Variants in ZNF619 observed in about 807,000 individuals in gnomAD.
ZNF619 encodes zinc finger protein 619.
Under a neutral mutation model 14.2 loss-of-function variants are expected in ZNF619, and 9 were observed. The ratio of observed to expected loss-of-function variants is 0.64; its 90% CI spans 0.38 to 1.11. The LOEUF (loss-of-function observed/expected upper bound fraction) is 1.11. Among genes scored for constraint, ZNF619 ranks in the 50% least tolerant of loss-of-function variants. The pLI, the probability that ZNF619 is intolerant of heterozygous loss-of-function variation, is 0.01. For missense variants in ZNF619, 659 were observed against 680.1 expected (o/e 0.97, Z 0.34); for synonymous variants, 246 against 252.8 (o/e 0.97, Z 0.26).
rs1363423704 is a variant in ZNF619 at position 40,490,087 on chromosome 3, T to TGGG, written c.*1847_*1849dup. 6.6e-6 allele frequency: 1 copy of TGGG among 152,210 alleles called. No homozygotes were observed. The highest frequency in any genetic ancestry group is 2.4e-5 in the African/African-American group (1 of 41,452). The allele number at this position is 152,210 out of a possible 1,614,324, so 9.4% of individuals were successfully genotyped here. ...TGAGGAGAGGAAGAGCAACTGGAACTGGGACACATGCTTGCTCTGTCTTGC... is the reference window on the plus strand; with the variant it reads ...TGAGGAGAGGAAGAGCAACTGGAACTGGGGGGACACATGCTTGCTCTGTCTTGC... On this transcript the variant is annotated 3_prime_UTR_variant, in exon 5 of 5. Transcript: ENST00000432264.
intron 2 of ZNF619, among the ~76,000 whole-genome samples, chr3:40,479,121 A>G (rs1325678104): frequency 6.6e-6 from 1 of 152,044 alleles, no homozygotes; most frequent in Non-Finnish European, 1.5e-5. Context: ...GCAGTGTCTC[A>G]CCTGCTCTAG....
intron 4 of ZNF619, chr3:40,483,847 C>G: frequency 3.1e-6 from 1 of 327,446 alleles, no homozygotes; most frequent in South Asian, 2.3e-5. Context: ...AGGCTGGTCT[C>G]GAACTCCCAA....
At chr3:40,484,104 T>G (rs559228375) in intron 4 of ZNF619, among the ~76,000 whole-genome samples, 1 of 152,088 alleles carries the variant, frequency 6.6e-6, no homozygotes, top group African/African-American at 2.4e-5. Context: ...TTTTGTAGTT[T>G]TAGTAGAGAC....
chr3:40,482,061 G>A (rs369709958), intron 3 of ZNF619, 45 bp downstream of exon 3: 15 of 1,563,000 alleles, frequency 9.6e-6, no homozygotes, highest in Non-Finnish European at 1.2e-5. Flanking sequence ...GCCCTTGGGA[G>A]CTCCTAGATT....
At chr3:40,479,413 T>A (rs966327482) in intron 2 of ZNF619, among the ~76,000 whole-genome samples, 3 of 152,204 alleles carry the variant, frequency 2.0e-5, no homozygotes, top group Admixed American at 1.3e-4. Context: ...TCATTTAGAA[T>A]CTTCTAGGAA....
chr3:40,486,652 G>A (rs1697587694), intron 4 of ZNF619, among the ~76,000 whole-genome samples, 154 bp from the exon 5 acceptor site: 1 of 149,480 alleles, frequency 6.7e-6, no homozygotes, highest in Admixed American at 6.7e-5. Context: ...GGTGAGCCGA[G>A]ATCATGCCAT....
chr3:40,486,729 G>C (rs1289195809), intron 4 of ZNF619, 77 bp from the exon 5 acceptor site: 1 of 1,214,698 alleles, frequency 8.2e-7, no homozygotes, highest in Non-Finnish European at 1.2e-6. Flanking sequence ...ATGTGTCTAG[G>C]GCAAGCTGTT....
intron 2 of ZNF619, among the ~76,000 whole-genome samples, chr3:40,480,034 T>C (rs72866432): frequency 0.011 from 1,677 of 152,276 alleles, 27 homozygotes; most frequent in African/African-American, 0.037. Context: ...TGATCACAGA[T>C]AGAGAAGATC....
rs1456313426 is a variant in ZNF619 at position 40,490,809 on chromosome 3, AT to A, written c.*2570del. On this transcript the variant is annotated 3_prime_UTR_variant, in exon 5 of 5. Transcript: ENST00000432264. ...GTAAGGCTCTGGTCAACAGTAGACT[AT>A]TAGTAGTTACATTTTTGGGGAGTTA... Among the ~76,000 whole-genome samples the A allele has an allele frequency of 6.6e-6, 1 of 152,196 alleles. No homozygotes were observed. Among genetic ancestry groups the A allele is most frequent in the East Asian group, 1.9e-4 (1 of 5,200 alleles).
chr3:40,486,266 T>C (rs1697575519), intron 4 of ZNF619, among the ~76,000 whole-genome samples: 1 of 152,244 alleles, frequency 6.6e-6, no homozygotes, highest in South Asian at 2.1e-4. Context: ...TTTAACCATT[T>C]GCCTCAATTA....
chr3:40,484,136 G>C (rs1265663897), intron 4 of ZNF619, among the ~76,000 whole-genome samples: 1 of 151,992 alleles, frequency 6.6e-6, no homozygotes, highest in Non-Finnish European at 1.5e-5. Context: ...ATGTTGCCCA[G>C]GTTCGTCTTG....
chr3:40,477,719 A>AG (rs1472965153), intron 1 of ZNF619, 199 bp from the exon 2 acceptor site: 4 of 484,486 alleles, frequency 8.3e-6, no homozygotes, highest in Non-Finnish European at 1.5e-5. Flanking sequence ...TTCTTTCTAG[A>AG]GTTTCCAGTG....
chr3:40,482,212 C>T (rs1697423836), intron 3 of ZNF619, 196 bp downstream of exon 3: 10 of 1,550,576 alleles, frequency 6.4e-6, no homozygotes, highest in African/African-American at 1.4e-5. Flanking sequence ...CTTTTCTCTT[C>T]CCTGGTTCCT....
intron 4 of ZNF619, chr3:40,483,615 A>G (rs1697480814): frequency 2.2e-6 from 1 of 446,732 alleles, no homozygotes; most frequent in Non-Finnish European, 4.5e-6. Flanking sequence ...TAAAAAATAG[A>G]TTTATTTATT....
chr3:40,486,093 T>C (rs72866436), intron 4 of ZNF619, among the ~76,000 whole-genome samples: 3,175 of 152,334 alleles, frequency 0.021, 108 homozygotes, highest in African/African-American at 0.07. Flanking sequence ...TGAGATCCAC[T>C]GTTGTAGACA....
intron 2 of ZNF619, among the ~76,000 whole-genome samples, chr3:40,481,028 T>C (rs1440879822): frequency 1.3e-5 from 2 of 152,232 alleles, no homozygotes; most frequent in South Asian, 2.1e-4. Context: ...TATTTCAAAG[T>C]GCTTAATATT....
chr3:40,488,928 G>A lies in ZNF619; in HGVS notation c.*687G>A, dbSNP rs182609551. On this transcript the variant is annotated 3_prime_UTR_variant, in exon 5 of 5. Coordinates refer to ENST00000432264, the MANE Select transcript of ZNF619 (RefSeq NM_001145093.4). ...ACCTGCCTCAGTCTCCCAAGTGCTG[G>A]GATTACAGGCATGAGCCACTGCATC... The A allele has an allele frequency of 6.6e-6, 1 of 152,226 alleles. No individual in the cohort carries two copies. Among genetic ancestry groups the A allele is most frequent in the Non-Finnish European group, 1.5e-5 (1 of 68,094 alleles). The allele number at this position is 152,226 out of a possible 1,614,324, so 9.4% of individuals were successfully genotyped here. A position where few individuals can be genotyped will look rare whatever the true frequency, so the allele number is the denominator to read the frequency against.
intron 2 of ZNF619, among the ~76,000 whole-genome samples, chr3:40,478,448 C>G (rs868781451): frequency 1.3e-5 from 2 of 152,112 alleles, no homozygotes; most frequent in South Asian, 4.1e-4. Flanking sequence ...TAGACACTTC[C>G]AAGGGAGGAG....
rs909355999 is a variant in ZNF619, at chr3:40,489,935, C to T, written c.*1694C>T. ...GTGCAGATTGCTATTGTTTGAATAT[C>T]CCCAGCAAAATTCTTGTTGAAACTT... is the stretch of plus-strand genomic sequence containing the variant. On this transcript the variant is annotated 3_prime_UTR_variant, in exon 5 of 5. Coordinates refer to ENST00000432264, the MANE Select transcript of ZNF619 (RefSeq NM_001145093.4). 4 of 152,094 alleles carry T rather than the reference C, an allele frequency of 2.6e-5. No individual in the cohort carries two copies. Among genetic ancestry groups the T allele is most frequent in the East Asian group, 1.9e-4 (1 of 5,194 alleles). The allele number at this position is 152,094 out of a possible 1,614,324, so 9.4% of individuals were successfully genotyped here.
Sources: allele counts gnomAD v4.1 joint callset (sites outside exome capture counted in the v4.1 genomes callset), GRCh38; gene constraint gnomAD v4.1.1; transcripts MANE v1.5; gene names NCBI Gene and HGNC (gene_info 2026-07-23, HGNC 2026-07-21).